RLF: variants seen among roughly 807,000 people sequenced by gnomAD.
RLF encodes the protein RLF zinc finger.
RLF carries 7 observed loss-of-function variants against 162.9 expected under a neutral mutation model. The observed-to-expected ratio is 0.04, with a 90% CI of 0.02 to 0.08. The LOEUF (loss-of-function observed/expected upper bound fraction) is 0.08. Ranked by LOEUF, RLF falls within the 10% of genes least tolerant of loss-of-function variation. RLF has a pLI of 1.00. For missense variants in RLF, 1,664 were observed against 2,244.7 expected (o/e 0.74, Z 5.23); for synonymous variants, 782 against 791.5 (o/e 0.99, Z 0.20).
chr1:40,232,352 A>G (rs1413166979), intron 7 of RLF, among the ~76,000 whole-genome samples: 2 of 152,224 alleles, frequency 1.3e-5, no homozygotes, highest in East Asian at 3.8e-4. Flanking sequence ...GTTGAATAAC[A>G]TCACAAAAAT....
Position 40,239,864 on chromosome 1 carries a change from C to T in RLF, c.5162C>T (p.Pro1721Leu). ...TYFTSFQLPLPRIKESETRQH... is the reference protein window; with the variant it reads ...TYFTSFQLPLLRIKESETRQH... ...TTCACAAGTTTCCAGCTGCCTTTAC[C>T]AAGGATCAAAGAATCAGAAACTAGG... The change falls in exon 8 of 8, where the codon CCA becomes CTA. Residue 1721 changes from proline to leucine, a missense_variant. Transcript: ENST00000372771. 1 of 1,613,782 alleles carries T rather than the reference C, an allele frequency of 6.2e-7. No homozygotes were observed. Among genetic ancestry groups the T allele is most frequent in the Non-Finnish European group, 8.5e-7 (1 of 1,179,986 alleles).
chr1:40,200,633 A>G, intron 4 of RLF, among the ~76,000 whole-genome samples: 1 of 152,048 alleles, frequency 6.6e-6, no homozygotes, highest in East Asian at 1.9e-4. Flanking sequence ...CTGGAAGGAT[A>G]AACAAGAAAT....
intron 1 of RLF, among the ~76,000 whole-genome samples, chr1:40,177,612 G>A (rs1557739273): frequency 6.6e-6 from 1 of 151,942 alleles, no homozygotes; most frequent in African/African-American, 2.4e-5. Context: ...TTCTAAGAAC[G>A]TAAATTCTTA....
At chr1:40,199,451 G>C (rs529196032) in intron 4 of RLF, among the ~76,000 whole-genome samples, 4 of 152,088 alleles carry the variant, frequency 2.6e-5, no homozygotes, top group Non-Finnish European at 5.9e-5. Flanking sequence ...ATGTGAGATG[G>C]GTATAACCTT....
intron 5 of RLF, among the ~76,000 whole-genome samples, chr1:40,205,907 A>C (rs1201189237): frequency 6.6e-6 from 1 of 152,044 alleles, no homozygotes; most frequent in East Asian, 1.9e-4. Context: ...CTCCTTTCTC[A>C]GTTCTACTTT....
intron 6 of RLF, among the ~76,000 whole-genome samples, chr1:40,229,601 T>C (rs935491952): frequency 2.0e-5 from 3 of 151,552 alleles, no homozygotes; most frequent in African/African-American, 7.3e-5. Flanking sequence ...ATTACAGGCA[T>C]GCACCACCAC....
intron 7 of RLF, among the ~76,000 whole-genome samples, chr1:40,234,731 T>A (rs1384305682): frequency 6.6e-6 from 1 of 152,236 alleles, no homozygotes; most frequent in African/African-American, 2.4e-5. Flanking sequence ...CTCATAGCAG[T>A]GCGTTTTAAG....
chr1:40,205,780 G>A (rs1440394946), intron 5 of RLF, among the ~76,000 whole-genome samples: 1 of 151,978 alleles, frequency 6.6e-6, no homozygotes, highest in African/African-American at 2.4e-5. Flanking sequence ...CGTGAGCCAC[G>A]GTGCCTGGCC....
chr1:40,165,334 G>A (rs893584281), intron 1 of RLF, among the ~76,000 whole-genome samples: 3 of 152,140 alleles, frequency 2.0e-5, no homozygotes, highest in African/African-American at 7.2e-5. Context: ...AATTTTGTCT[G>A]TAAGTTTCCA....
intron 5 of RLF, among the ~76,000 whole-genome samples, chr1:40,214,714 T>C (rs1459251136): frequency 6.6e-6 from 1 of 151,756 alleles, no homozygotes; most frequent in African/African-American, 2.4e-5. Context: ...GAGACCAGCC[T>C]GAGCAACATC....
intron 6 of RLF, among the ~76,000 whole-genome samples, chr1:40,228,595 A>C (rs1643111562): frequency 6.6e-6 from 1 of 151,778 alleles, no homozygotes; most frequent in African/African-American, 2.4e-5. Flanking sequence ...AAAAAAAAAA[A>C]ATTATTTGAG....
At chr1:40,175,574 G>A (rs992275140) in intron 1 of RLF, among the ~76,000 whole-genome samples, 8 of 152,012 alleles carry the variant, frequency 5.3e-5, no homozygotes, top group Non-Finnish European at 8.8e-5. Flanking sequence ...GCTTGAACCC[G>A]GGAGGCGGAG....
intron 1 of RLF, among the ~76,000 whole-genome samples, chr1:40,166,155 G>A (rs193273385): frequency 3.3e-5 from 5 of 152,244 alleles, no homozygotes; most frequent in Non-Finnish European, 7.4e-5. Flanking sequence ...AAGAGCAGGG[G>A]TCTTGTTTAT....
At chr1:40,174,095 G>A (rs1047203020) in intron 1 of RLF, among the ~76,000 whole-genome samples, 1 of 152,152 alleles carries the variant, frequency 6.6e-6, no homozygotes, top group Non-Finnish European at 1.5e-5. Flanking sequence ...TGACCTGGCC[G>A]GGCACGATGG....
intron 6 of RLF, among the ~76,000 whole-genome samples, chr1:40,223,573 G>A (rs1177945907): frequency 1.3e-5 from 2 of 152,232 alleles, no homozygotes; most frequent in African/African-American, 2.4e-5. Context: ...GGAAAACCTA[G>A]TAAAGCCTTT....
chr1:40,237,799 A>C lies in RLF; in HGVS notation c.3097A>C (p.Ile1033Leu). The change falls in exon 8 of 8, where the codon ATT becomes CTT. Residue 1033 changes from isoleucine (I) to leucine (L), a missense_variant. This residue lies in a region of RLF where 295 missense variants were observed against 317.4 expected (regional missense o/e 0.93). Coordinates refer to ENST00000372771, the MANE Select transcript of RLF (RefSeq NM_012421.4). This position sits in a 1 kb window ranked among gnomAD's most constrained non-coding sequence, Gnocchi z 4.4. ...TGAAGGTCTAGATCACAATATTCAC[A>C]TTAAATGTAAACGAGAACATCAAGG... ...PDEGLDHNIHIKCKREHQGYS... is the reference protein window; with the variant it reads ...PDEGLDHNIHLKCKREHQGYS... 1 of 1,614,150 alleles carries C rather than the reference A, an allele frequency of 6.2e-7. No individual in the cohort carries two copies. The highest frequency in any genetic ancestry group is 2.2e-5 in the East Asian group (1 of 44,888).
intron 7 of RLF, among the ~76,000 whole-genome samples, chr1:40,232,249 A>G (rs570716193): frequency 8.6e-5 from 13 of 151,680 alleles, no homozygotes; most frequent in East Asian, 5.8e-4. Flanking sequence ...CAAGGTAACT[A>G]TAGAACTTGC....
At chr1:40,233,255 C>T (rs1643175421) in intron 7 of RLF, among the ~76,000 whole-genome samples, 2 of 152,136 alleles carry the variant, frequency 1.3e-5, no homozygotes, top group South Asian at 4.1e-4. Flanking sequence ...CACATTTATT[C>T]ACTACTCCTT....
chr1:40,231,481 C>T (rs1192087429), intron 6 of RLF, 36 bp from the exon 7 acceptor site: 1 of 1,597,956 alleles, frequency 6.3e-7, no homozygotes, highest in Non-Finnish European at 8.5e-7. Context: ...ATACCAGTTA[C>T]TTTAAATGTT....
Sources: gnomAD v4.1 joint callset for allele counts (sites outside exome capture counted in the v4.1 genomes callset) on GRCh38, gnomAD v4.1.1 for gene constraint, gnomAD v4.1.1 regional missense constraint, Gnocchi (gnomAD v3.1) non-coding constraint, MANE v1.5 for transcripts, NCBI Gene and HGNC (gene_info 2026-07-23, HGNC 2026-07-21) for gene names.